The following CDH1 variants were observed in gnomAD, a reference collection of about 807,000 sequenced individuals.
CDH1 encodes the protein cadherin-1.
CDH1 carries 35 observed loss-of-function variants against 84.5 expected under a neutral mutation model. The observed-to-expected ratio is 0.41, with a 90% confidence interval of 0.32 to 0.55. The LOEUF (loss-of-function observed/expected upper bound fraction) is 0.55. Ranked by LOEUF, CDH1 falls within the 20% of genes least tolerant of loss-of-function variation. The pLI, the probability that CDH1 is intolerant of heterozygous loss-of-function variation, is 0.19. For synonymous variants in CDH1, 417 were observed against 439.0 expected, an observed-to-expected ratio of 0.95 and a Z score of 0.63; for missense variants, 994 against 1,126.6, an observed-to-expected ratio of 0.88 and a Z score of 1.68.
rs1198941336 is a variant in CDH1 at position 68,833,491 on chromosome 16, G to A, written c.2641G>A (p.Asp881Asn). ...KLADMYGGGE[D>N]D The stretch of plus-strand genomic sequence containing the variant: ...GGCTGACATGTACGGAGGCGGCGAG[G>A]ACGACTAGGGGACTCGAGAGAGGCG... The change falls in exon 16 of 16, where the codon GAC becomes AAC. Residue 881 changes from aspartate to asparagine, a missense_variant. This residue lies in a region of CDH1 where 769 missense variants were observed against 881.8 expected (regional missense o/e 0.87). Coordinates refer to ENST00000261769, the MANE Select transcript of CDH1 (RefSeq NM_004360.5). 3 of 1,613,568 alleles carry A rather than the reference G, an allele frequency of 1.9e-6. No individual in the cohort carries two copies. The highest frequency in any genetic ancestry group is 2.5e-6 in the Non-Finnish European group (3 of 1,179,846).
intron 2 of CDH1, among the ~76,000 whole-genome samples, chr16:68,754,135 T>A (rs901160394): frequency 1.4e-4 from 20 of 143,664 alleles, no homozygotes; most frequent in African/African-American, 3.7e-4. Context: ...AAAAAAAAAA[T>A]TATTCGGCAG....
Position 68,786,555 on chromosome 16 carries a change from G to A in CDH1, c.164-15115G>A, listed in dbSNP as rs867012401. 2.5e-3 allele frequency among the ~76,000 whole-genome samples: 98 copies of A among 38,608 alleles called. 1 individual carries two copies. In the Middle Eastern group the frequency reaches 0.052, roughly 20 times the overall value. 25.3% of individuals were successfully genotyped at this position (38,608 alleles called of 152,430 possible). A position where few individuals can be genotyped will look rare whatever the true frequency, so the allele number is the denominator to read the frequency against. On this transcript the variant is annotated intron_variant, in intron 2 of 15. Transcript: ENST00000261769. ...TTTTCTTTTTTTTTTTTTTTTTTTG[G>A]TATTCAGGAGGATGCAGCATGGGTT...
intron 2 of CDH1, among the ~76,000 whole-genome samples, chr16:68,759,914 G>A (rs1963119491): frequency 6.6e-6 from 1 of 151,950 alleles, no homozygotes; most frequent in African/African-American, 2.4e-5. Context: ...CTATTTCTAA[G>A]AATGTTTCCA....
chr16:68,764,406 A>G (rs1046916829), intron 2 of CDH1, among the ~76,000 whole-genome samples: 3 of 152,190 alleles, frequency 2.0e-5, no homozygotes, highest in African/African-American at 4.8e-5. Flanking sequence ...GCGAATCCCC[A>G]TCTCTACTAA....
chr16:68,787,286 C>T (rs1960080038), intron 2 of CDH1, among the ~76,000 whole-genome samples: 1 of 152,172 alleles, frequency 6.6e-6, no homozygotes, highest in Non-Finnish European at 1.5e-5. Context: ...AATGTTCCTT[C>T]AGAGGCTGAC....
At chr16:68,818,723 G>A (rs1270363170) in intron 10 of CDH1, among the ~76,000 whole-genome samples, 2 of 150,492 alleles carry the variant, frequency 1.3e-5, no homozygotes, top group Admixed American at 6.6e-5. Flanking sequence ...GATGGCGGGC[G>A]CCTCTAGTCC....
chr16:68,830,514 A>G (rs945523402), intron 15 of CDH1, among the ~76,000 whole-genome samples: 4 of 152,168 alleles, frequency 2.6e-5, no homozygotes, highest in Non-Finnish European at 4.4e-5. Flanking sequence ...TGTATTGTAT[A>G]TGTCAGAAAT....
At chr16:68,790,460 C>T (rs1361678064) in intron 2 of CDH1, among the ~76,000 whole-genome samples, 3 of 152,314 alleles carry the variant, frequency 2.0e-5, no homozygotes, top group East Asian at 3.9e-4. Context: ...TGATCAGTTA[C>T]GGCCTCTGTT....
chr16:68,737,614 G>A (rs1962435066), intron 1 of CDH1, 151 bp downstream of exon 1: 7 of 735,394 alleles, frequency 9.5e-6, no homozygotes, highest in Admixed American at 6.8e-5. Context: ...AGCCTCGCGC[G>A]CTCCGGACCC....
intron 2 of CDH1, among the ~76,000 whole-genome samples, chr16:68,788,119 AC>A (rs1237951194): frequency 3.3e-5 from 5 of 152,048 alleles, no homozygotes; most frequent in South Asian, 2.1e-4. Context: ...GAGCCACCGC[AC>A]CCAGCCTACT....
chr16:68,748,681 T>G (rs1962810984), intron 2 of CDH1, among the ~76,000 whole-genome samples: 4 of 152,156 alleles, frequency 2.6e-5, no homozygotes, highest in Non-Finnish European at 5.9e-5. Flanking sequence ...GTATGTGCAT[T>G]TGTAATTTTG....
intron 2 of CDH1, among the ~76,000 whole-genome samples, chr16:68,781,075 C>T (rs1022151424): frequency 6.6e-6 from 1 of 152,240 alleles, no homozygotes; most frequent in African/African-American, 2.4e-5. Flanking sequence ...TGTCGGCTGA[C>T]AAGCCGTTCT....
chr16:68,761,296 A>C (rs1274153766), intron 2 of CDH1, among the ~76,000 whole-genome samples: 2 of 151,922 alleles, frequency 1.3e-5, no homozygotes, highest in Non-Finnish European at 2.9e-5. Flanking sequence ...AGGCTGATAC[A>C]TCAGGCTTGG....
intron 11 of CDH1, 146 bp from the exon 12 acceptor site, chr16:68,821,855 G>A (rs545179955): frequency 4.3e-6 from 3 of 705,642 alleles, no homozygotes; most frequent in East Asian, 2.7e-5. Flanking sequence ...TTTGGGATTG[G>A]TGGGACAGGA....
chr16:68,825,479 T>C (rs1359951630), intron 13 of CDH1, among the ~76,000 whole-genome samples: 1 of 152,204 alleles, frequency 6.6e-6, no homozygotes, highest in Non-Finnish European at 1.5e-5. Context: ...CTGCTGCTGC[T>C]GCCTCAGTGG....
rs749802488 is a variant in CDH1 at position 68,822,098 on chromosome 16, T to C, written c.1809T>C (p.Cys603=). 1 of 1,614,056 alleles carries C rather than the reference T, an allele frequency of 6.2e-7. No homozygotes were observed. The highest frequency in any genetic ancestry group is 8.5e-7 in the Non-Finnish European group (1 of 1,179,908). The change falls in exon 12 of 16, where the codon TGT becomes TGC. Residue 603 remains cysteine (C), a synonymous_variant. Transcript: ENST00000261769. ...PIPEPRTIFF[C]ERNPKPQVIN... ...CAGAACCTCGAACTATATTCTTCTG[T>C]GAGAGGAATCCAAAGCCTCAGGTCA...
rs373793438 is a variant in CDH1, at chr16:68,772,202, G to A, written c.164-29468G>A. On this transcript the variant is annotated intron_variant, in intron 2 of 15. Coordinates refer to ENST00000261769, the MANE Select transcript of CDH1 (RefSeq NM_004360.5). The stretch of plus-strand genomic sequence containing the variant: ...CCGTGTTGCCACACAACGGCCAATC[G>A]CATATGTCCTTGCCTTGCTTACCAC... Among the ~76,000 whole-genome samples the A allele has an allele frequency of 5.9e-5, 9 of 152,236 alleles. 1 individual carries two copies. The highest frequency in any genetic ancestry group is 2.2e-4 in the African/African-American group (9 of 41,542).
At chr16:68,821,859 G>A (rs1176051535) in intron 11 of CDH1, 142 bp from the exon 12 acceptor site, 2 of 716,670 alleles carry the variant, frequency 2.8e-6, no homozygotes, top group Non-Finnish European at 5.0e-6. Flanking sequence ...GGATTGGTGG[G>A]ACAGGAGGTT....
At chr16:68,786,520 CTT>C (rs1323536677) in intron 2 of CDH1, among the ~76,000 whole-genome samples, 1 of 77,520 alleles carries the variant, frequency 1.3e-5, no homozygotes, top group African/African-American at 5.0e-5. Context: ...TTTCTGCTTT[CTT>C]TTTTTTTTTT....
Sources: gnomAD v4.1 joint callset for allele counts (sites outside exome capture counted in the v4.1 genomes callset) on GRCh38, gnomAD v4.1.1 for gene constraint, gnomAD v4.1.1 regional missense constraint, MANE v1.5 for transcripts, NCBI Gene and HGNC (gene_info 2026-07-23, HGNC 2026-07-21) for gene names.